Variants in GBE1 observed in about 807,000 individuals in gnomAD.
GBE1 encodes 1,4-alpha-glucan branching enzyme 1, also known as 1,4-alpha-glucan-branching enzyme.
Under a neutral mutation model 88.8 loss-of-function variants are expected in GBE1, and 70 were observed. The ratio of observed to expected loss-of-function variants is 0.79; its 90% CI spans 0.65 to 0.96. GBE1 has a LOEUF of 0.96. Among genes scored for constraint, GBE1 ranks in the 40% least tolerant of loss-of-function variants. GBE1 has a pLI of 0.00. For synonymous variants in GBE1, 284 were observed against 300.1 expected (o/e 0.95, Z 0.56); for missense variants, 872 against 871.0 (o/e 1.00, Z -0.01).
At chr3:81,721,400 G>A (rs1706033946) in intron 1 of GBE1, among the ~76,000 whole-genome samples, 2 of 151,818 alleles carry the variant, frequency 1.3e-5, no homozygotes, top group Non-Finnish European at 2.9e-5. Flanking sequence ...ATTGCTTATG[G>A]GGAACAGTTT....
chr3:81,660,168 T>C (rs1705003465), intron 3 of GBE1, among the ~76,000 whole-genome samples: 1 of 152,224 alleles, frequency 6.6e-6, no homozygotes, highest in Admixed American at 6.5e-5. Context: ...GGATAATTTC[T>C]TGTCAATTGA....
intron 3 of GBE1, among the ~76,000 whole-genome samples, chr3:81,656,213 A>C (rs1704937076): frequency 6.6e-6 from 1 of 152,170 alleles, no homozygotes; most frequent in South Asian, 2.1e-4. Context: ...GTCTTTGCAG[A>C]TGTGATTAAA....
chr3:81,533,368 C>T (rs1026335068), intron 14 of GBE1, among the ~76,000 whole-genome samples: 1 of 152,096 alleles, frequency 6.6e-6, no homozygotes, highest in African/African-American at 2.4e-5. Context: ...CATAAAGAGA[C>T]AGACAACACA....
chr3:81,621,481 G>A (rs1016857293), intron 7 of GBE1, among the ~76,000 whole-genome samples: 10 of 152,068 alleles, frequency 6.6e-5, no homozygotes, highest in Non-Finnish European at 8.8e-5. Context: ...TGTGACTTAA[G>A]GGAAGTCACA....
intron 14 of GBE1, among the ~76,000 whole-genome samples, chr3:81,515,513 T>G (rs1174834068): frequency 6.6e-6 from 1 of 151,450 alleles, no homozygotes; most frequent in Non-Finnish European, 1.5e-5. Context: ...CTCCGTATTG[T>G]CTAAGACCAT....
At chr3:81,707,202 A>G (rs1377459822) in intron 1 of GBE1, among the ~76,000 whole-genome samples, 1 of 152,066 alleles carries the variant, frequency 6.6e-6, no homozygotes, top group African/African-American at 2.4e-5. Flanking sequence ...TTCAAAAGAT[A>G]AAAGAAATGA....
At chr3:81,524,727 G>T (rs1029149795) in intron 14 of GBE1, among the ~76,000 whole-genome samples, 1 of 151,798 alleles carries the variant, frequency 6.6e-6, no homozygotes, top group Non-Finnish European at 1.5e-5. Flanking sequence ...GTAGATACAT[G>T]GATTGATTTC....
chr3:81,719,102 T>C (rs528119767), intron 1 of GBE1, among the ~76,000 whole-genome samples: 1 of 152,270 alleles, frequency 6.6e-6, no homozygotes, highest in South Asian at 2.1e-4. Context: ...AAAAATAAAA[T>C]TGGTGGAAAA....
intron 12 of GBE1, among the ~76,000 whole-genome samples, chr3:81,551,063 C>T (rs376120840): frequency 2.0e-5 from 3 of 152,290 alleles, no homozygotes; most frequent in African/African-American, 4.8e-5. Context: ...TTGGTCTCCA[C>T]GTTCTCTCAT....
At chr3:81,599,943 C>G (rs1264986325) in intron 7 of GBE1, among the ~76,000 whole-genome samples, 1 of 151,894 alleles carries the variant, frequency 6.6e-6, no homozygotes, top group Non-Finnish European at 1.5e-5. Context: ...TCATTTTTCC[C>G]TTCTGATTTA....
chr3:81,526,900 C>T (rs1336757734), intron 14 of GBE1, among the ~76,000 whole-genome samples: 1 of 152,086 alleles, frequency 6.6e-6, no homozygotes, highest in African/African-American at 2.4e-5. Flanking sequence ...AAAAAAGAGC[C>T]CGCATTGCCA....
chr3:81,619,488 A>C (rs1226041223), intron 7 of GBE1, among the ~76,000 whole-genome samples: 1 of 152,124 alleles, frequency 6.6e-6, no homozygotes, highest in African/African-American at 2.4e-5. Flanking sequence ...TATTTATTTC[A>C]TTTGAGTGTA....
At chr3:81,526,913 T>C (rs1283249109) in intron 14 of GBE1, among the ~76,000 whole-genome samples, 4 of 151,990 alleles carry the variant, frequency 2.6e-5, no homozygotes, top group African/African-American at 9.7e-5. Flanking sequence ...CATTGCCAAG[T>C]CAATCCTAAG....
In GBE1 at chr3:81,755,394, GA is replaced by G. The variant is rs543218160; in HGVS notation, c.143+5980del. On this transcript the variant is annotated intron_variant, in intron 1 of 15. Transcript: ENST00000429644. ...GAATGTAAATTACCATAGCCACTTG[GA>G]AAAAAAAACAGTATAGAAGTTCCTC... is the stretch of plus-strand genomic sequence containing the variant. Among the ~76,000 whole-genome samples, 923 of 148,328 alleles carry G rather than the reference GA, an allele frequency of 6.2e-3. 2 individuals are homozygous for G. Among genetic ancestry groups the G allele is most frequent in the Middle Eastern group, 0.01 (3 of 288 alleles).
chr3:81,623,654 T>C (rs1704362798), intron 7 of GBE1, among the ~76,000 whole-genome samples: 2 of 152,126 alleles, frequency 1.3e-5, no homozygotes, highest in Admixed American at 1.3e-4. Flanking sequence ...ACATTATTAT[T>C]ATTATCTGAG....
intron 7 of GBE1, among the ~76,000 whole-genome samples, chr3:81,603,098 T>C (rs1704055302): frequency 6.6e-6 from 1 of 152,120 alleles, no homozygotes; most frequent in African/African-American, 2.4e-5. Flanking sequence ...ATTTTCCTCT[T>C]CTAACCTCTT....
intron 1 of GBE1, among the ~76,000 whole-genome samples, chr3:81,722,359 T>C (rs1706045984): frequency 6.6e-6 from 1 of 152,158 alleles, no homozygotes. Context: ...AGAAAAGTTA[T>C]CTGATACACT....
rs537508251 is a variant in GBE1 at position 81,621,084 on chromosome 3, T to C, written c.992+21697A>G. On this transcript the variant is annotated intron_variant, in intron 7 of 15. Transcript: ENST00000429644. ...GTAAGAAATAAATTCCTTGTCTTTA[T>C]AAATTACCCAGTTTCAGTTACTCTG... is the stretch of plus-strand genomic sequence containing the variant. 3.3e-5 allele frequency among the ~76,000 whole-genome samples: 5 copies of C among 152,298 alleles called. No individual in the cohort carries two copies. In the South Asian group the frequency reaches 1.0e-3, roughly 32 times the overall value.
chr3:81,562,544 G>T (rs1476828818), intron 12 of GBE1, among the ~76,000 whole-genome samples: 2 of 152,030 alleles, frequency 1.3e-5, no homozygotes. Context: ...GTGAAGAGAA[G>T]GGAATCATAT....
Sources: allele counts gnomAD v4.1 joint callset (sites outside exome capture counted in the v4.1 genomes callset), GRCh38; gene constraint gnomAD v4.1.1; transcripts MANE v1.5; gene names NCBI Gene and HGNC (gene_info 2026-07-23, HGNC 2026-07-21).